The following DMD variants were observed in gnomAD, a reference collection of about 807,000 sequenced individuals.
The protein encoded by DMD is dystrophin, also known as mutant dystrophin.
In DMD, 63 loss-of-function variants were observed where a neutral mutation model predicts 330.1. The observed-to-expected ratio is 0.19, with a 90% CI of 0.16 to 0.24. The LOEUF (loss-of-function observed/expected upper bound fraction) is 0.24, where lower values mean the gene tolerates loss of function less well. DMD is among the 10% of genes least tolerant of loss of function. DMD has a pLI of 1.00. For synonymous variants in DMD, 1,223 were observed against 959.8 expected (o/e 1.27, Z -5.07); for missense variants, 3,344 against 2,684.1 (o/e 1.25, Z -5.43).
At chrX:32,721,311 T>G (rs965468247) in intron 7 of DMD, among the ~76,000 whole-genome samples, 8 of 110,690 alleles carry the variant, frequency 7.2e-5, no homozygotes, top group Non-Finnish European at 1.5e-4. Context: ...CTGCTCTAAT[T>G]TACACCGACA....
chrX:31,558,943 T>C (rs1227281317), intron 55 of DMD, among the ~76,000 whole-genome samples: 1 of 111,592 alleles, frequency 9.0e-6, no homozygotes, highest in East Asian at 2.8e-4. Context: ...AAGGAGTTCG[T>C]ACAAATCTTT....
In DMD at chrX:32,370,979, T is replaced by C. The variant is rs374846997; in HGVS notation, c.4846-5780A>G. Among the ~76,000 whole-genome samples the C allele has an allele frequency of 3.1e-4, 35 of 111,235 alleles. No homozygotes were observed. In the East Asian group the frequency reaches 5.9e-3, roughly 19 times the overall value. Reference sequence around the variant, plus strand: ...TCTCAACTTTGCTGAATAAGAGAGCTAGTTAGAGTTAGACCAATTAAATCA... The same window carrying C: ...TCTCAACTTTGCTGAATAAGAGAGCCAGTTAGAGTTAGACCAATTAAATCA... On this transcript the variant is annotated intron_variant, in intron 34 of 78. Transcript: ENST00000357033.
chrX:32,267,157 T>G (rs2097347867), intron 43 of DMD, among the ~76,000 whole-genome samples: 1 of 112,363 alleles, frequency 8.9e-6, no homozygotes, highest in African/African-American at 3.2e-5. Flanking sequence ...TTCTTCTCAG[T>G]AAGGGAAGGA....
Position 33,038,799 on chromosome X carries a change from C to T in DMD, c.32-18599G>A, listed in dbSNP as rs749237599. ...CTTGAGGTCAGGAGTTCGAGACCAG[C>T]TTGGCCAACATGGCGAAACCCCGTC... is the stretch of plus-strand genomic sequence containing the variant. On this transcript the variant is annotated intron_variant, in intron 1 of 78. Coordinates refer to ENST00000357033, the MANE Select transcript of DMD (RefSeq NM_004006.3). Among the ~76,000 whole-genome samples the T allele has an allele frequency of 8.1e-5, 9 of 111,162 alleles. No homozygotes were observed. In the South Asian group the frequency reaches 3.4e-3, roughly 42 times the overall value.
rs770844643 is a variant in DMD at position 32,733,649 on chromosome X, C to A, written c.650-34356G>T. On this transcript the variant is annotated intron_variant, in intron 7 of 78. Transcript: ENST00000357033. Reference sequence around the variant, plus strand: ...CAACTACATGGAAACTGAACAACCTCCTCCTGAATGACTACGGGGTGCATA... The same window carrying A: ...CAACTACATGGAAACTGAACAACCTACTCCTGAATGACTACGGGGTGCATA... 2.4e-4 allele frequency among the ~76,000 whole-genome samples: 27 copies of A among 111,351 alleles called. No homozygotes were observed. The Admixed American group carries it at 2.5e-3, about 10-fold the overall frequency.
chrX:31,832,860 G>A (rs1226982797), intron 49 of DMD, among the ~76,000 whole-genome samples: 2 of 112,103 alleles, frequency 1.8e-5, no homozygotes, highest in African/African-American at 3.2e-5. Context: ...AAAGTTAACT[G>A]AAAGTGTAGT....
intron 41 of DMD, among the ~76,000 whole-genome samples, chrX:32,313,353 C>G (rs2097571415): frequency 9.0e-6 from 1 of 111,412 alleles, no homozygotes; most frequent in Admixed American, 9.6e-5. Context: ...ATTCAACACC[C>G]TTTCATGTTA....
chrX:32,545,470 T>C (rs2048877775), intron 16 of DMD, 136 bp from the exon 17 acceptor site: 2 of 586,943 alleles, frequency 3.4e-6, no homozygotes, highest in East Asian at 3.5e-5. Context: ...AATAGCACCA[T>C]ATTGAAGCCA....
chrX:32,240,855 T>C (rs1569552626), intron 43 of DMD, among the ~76,000 whole-genome samples: 1 of 111,571 alleles, frequency 9.0e-6, no homozygotes, highest in Non-Finnish European at 1.9e-5. Context: ...TTAACTACCC[T>C]GAGCTGGGGA....
chrX:31,828,547 T>A (rs1276180225), intron 49 of DMD, among the ~76,000 whole-genome samples: 1 of 107,728 alleles, frequency 9.3e-6, no homozygotes. Flanking sequence ...ACCTGTAATC[T>A]CAGCTACTTG....
intron 12 of DMD, among the ~76,000 whole-genome samples, chrX:32,611,470 AG>A (rs1045176159): frequency 6.3e-5 from 7 of 111,791 alleles, no homozygotes; most frequent in African/African-American, 2.3e-4. Context: ...CATACTTTCA[AG>A]TAATGAATAA....
intron 55 of DMD, among the ~76,000 whole-genome samples, chrX:31,541,668 T>G (rs2073835292): frequency 9.0e-6 from 1 of 110,824 alleles, no homozygotes; most frequent in African/African-American, 3.3e-5. Flanking sequence ...GGACTTGAAC[T>G]CATCCTCTTT....
rs2098314664 is a variant in DMD at position 32,448,480 on chromosome X, C to G, written c.3762G>C (p.Leu1254=). ...CTTCCAAAGTCTTGCATTTCCCATTCAGCCTAGTGCAGAGCCACTGGTAGT... is the reference window on the plus strand; with the variant it reads ...CTTCCAAAGTCTTGCATTTCCCATTGAGCCTAGTGCAGAGCCACTGGTAGT... ...TTNYQWLCTR[L]NGKCKTLEEV... The change falls in exon 27 of 79, where the codon CTG becomes CTC. Residue 1254 remains leucine (L), a synonymous_variant. Coordinates refer to ENST00000357033, the MANE Select transcript of DMD (RefSeq NM_004006.3). 1 of 1,206,795 alleles carries G rather than the reference C, an allele frequency of 8.3e-7. No homozygotes were observed. The highest frequency in any genetic ancestry group is 1.8e-5 in the South Asian group (1 of 56,788).
intron 55 of DMD, among the ~76,000 whole-genome samples, chrX:31,619,193 C>T (rs1569555137): frequency 9.0e-6 from 1 of 110,938 alleles, no homozygotes; most frequent in Admixed American, 9.6e-5. Flanking sequence ...TATATAATTG[C>T]CCTCCTAACT....
chrX:31,447,198 C>T (rs979294342), intron 59 of DMD, among the ~76,000 whole-genome samples: 1 of 108,279 alleles, frequency 9.2e-6, no homozygotes, highest in African/African-American at 3.4e-5. Flanking sequence ...TCTCCCTTTT[C>T]CTCTTTTTTT....
intron 54 of DMD, among the ~76,000 whole-genome samples, chrX:31,649,037 A>C (rs946265648): frequency 8.9e-6 from 1 of 111,795 alleles, no homozygotes; most frequent in African/African-American, 3.2e-5. Flanking sequence ...ATATAAATAT[A>C]ATTGAAAAGT....
At chrX:33,011,109 A>G (rs2093693498) in intron 2 of DMD, among the ~76,000 whole-genome samples, 1 of 111,660 alleles carries the variant, frequency 9.0e-6, no homozygotes, top group African/African-American at 3.2e-5. Flanking sequence ...GCCAAATGTA[A>G]AGGGTAGACT....
chrX:33,152,303 G>T (rs2048315150), intron 1 of DMD, among the ~76,000 whole-genome samples: 1 of 109,229 alleles, frequency 9.2e-6, no homozygotes, highest in South Asian at 4.1e-4. Flanking sequence ...CCAGGTAGCT[G>T]GGATTACAGG....
rs573596157 is a variant in DMD, at chrX:33,136,829, A to G, written c.31+74453T>C. ...ACACAGTCTATGATATTTTTATTAT[A>G]GCAGCCCAATTGAACTAAGACAATT... On this transcript the variant is annotated intron_variant, in intron 1 of 78. Transcript: ENST00000357033. Among the ~76,000 whole-genome samples, 22 of 110,992 alleles carry G rather than the reference A, an allele frequency of 2.0e-4. No individual in the cohort carries two copies. The South Asian group carries it at 3.5e-3, about 17-fold the overall frequency.
Sources: gnomAD v4.1 joint callset for allele counts (sites outside exome capture counted in the v4.1 genomes callset) on GRCh38, gnomAD v4.1.1 for gene constraint, MANE v1.5 for transcripts, NCBI Gene and HGNC (gene_info 2026-07-23, HGNC 2026-07-21) for gene names.